PIEZO2: variants seen among roughly 807,000 people sequenced by gnomAD.
PIEZO2 encodes piezo-type mechanosensitive ion channel component 2.
A neutral mutation model predicts 337.3 loss-of-function variants in PIEZO2; 172 were observed. The observed-to-expected ratio is 0.51, with a 90% CI of 0.45 to 0.58. The LOEUF (loss-of-function observed/expected upper bound fraction) is 0.58, where lower values mean the gene tolerates loss of function less well. Among genes scored for constraint, PIEZO2 ranks in the 20% least tolerant of loss-of-function variants. PIEZO2 has a pLI of 0.00. For missense variants in PIEZO2, 3,028 were observed against 3,391.3 expected (o/e 0.89, Z 2.66); for synonymous variants, 1,251 against 1,228.5 (o/e 1.02, Z -0.38).
chr18:10,931,713 TGAGAGA>T (rs10603024), intron 3 of PIEZO2, among the ~76,000 whole-genome samples: 66 of 147,792 alleles, frequency 4.5e-4, no homozygotes, highest in East Asian at 3.2e-3. Flanking sequence ...TGTGTGTGTG[TGAGAGA>T]GAGAGAGAGA....
intron 39 of PIEZO2, among the ~76,000 whole-genome samples, chr18:10,714,076 A>G (rs2035919132): frequency 6.6e-6 from 1 of 152,126 alleles, no homozygotes; most frequent in Admixed American, 6.6e-5. Context: ...GCTTTTATAT[A>G]CATCCTAGCT....
rs2041402761 is a variant in PIEZO2 at position 10,847,478 on chromosome 18, A to G, written c.917+7875T>C. On this transcript the variant is annotated intron_variant, in intron 7 of 55. Coordinates refer to ENST00000674853, the MANE Select transcript of PIEZO2 (RefSeq NM_001378183.1). The surrounding 1 kb of genome is among the most constrained non-coding windows in gnomAD (Gnocchi z 5.7). Reference sequence around the variant, plus strand: ...TCTTAGGTCACTGGGCTGGATAAACACGCAGTGCAAAGGCCCGTGGGCTCG... The same window carrying G: ...TCTTAGGTCACTGGGCTGGATAAACGCGCAGTGCAAAGGCCCGTGGGCTCG... 6.6e-6 allele frequency among the ~76,000 whole-genome samples: 1 copy of G among 152,188 alleles called. No homozygotes were observed. Among genetic ancestry groups the G allele is most frequent in the Admixed American group, 6.5e-5 (1 of 15,270 alleles).
At chr18:10,702,244 C>G (rs1165018258) in intron 42 of PIEZO2, 73 bp from the exon 43 acceptor site, 1 of 1,368,176 alleles carries the variant, frequency 7.3e-7, no homozygotes. Context: ...TGGGAAAGAG[C>G]AATATAACAA....
intron 7 of PIEZO2, among the ~76,000 whole-genome samples, chr18:10,832,718 C>T (rs755534630): frequency 2.0e-5 from 3 of 152,206 alleles, no homozygotes; most frequent in Non-Finnish European, 2.9e-5. Flanking sequence ...GGGAGACACA[C>T]GGTGGCTCCA....
At chr18:10,769,675 A>T (rs2038515354) in intron 21 of PIEZO2, 1 of 152,754 alleles carries the variant, frequency 6.5e-6, no homozygotes, top group South Asian at 2.1e-4. Context: ...ACAATCAAGG[A>T]AACAGAAGTG....
chr18:10,849,731 G>A (rs1424770367), intron 7 of PIEZO2, among the ~76,000 whole-genome samples: 1 of 152,204 alleles, frequency 6.6e-6, no homozygotes, highest in African/African-American at 2.4e-5. Flanking sequence ...TGTAGTGTTT[G>A]CTGTCTACTG....
rs2039521148 is a variant in PIEZO2 at position 10,794,845 on chromosome 18, C to G, written c.1685G>C (p.Ser562Thr). Residue 562 changes from serine (S) to threonine (T), a missense_variant, in exon 13 of 56, where the codon AGT (serine) becomes ACT (threonine). Ser to Thr is a moderately conservative substitution (Grantham distance 58). Around this residue, in one of 5 missense-constraint regions of PIEZO2, gnomAD observed 50 missense variants for 88.2 expected, o/e 0.57. Transcript: ENST00000674853. The surrounding 1 kb of genome is among the most constrained non-coding windows in gnomAD (Gnocchi z 6.6). ...NLLLILQYIW[S>T]FELPEIKKVP... ...TTTTTTAATTTCAGGAAGTTCAAAA[C>G]TCCATATATACTGTAATATCAACAA... is the stretch of plus-strand genomic sequence containing the variant. The G allele has an allele frequency of 6.5e-7, 1 of 1,537,108 alleles. No individual in the cohort carries two copies. Among genetic ancestry groups the G allele is most frequent in the Non-Finnish European group, 8.7e-7 (1 of 1,146,788 alleles).
Position 10,945,187 on chromosome 18 carries a change from G to A in PIEZO2, c.287-33959C>T, listed in dbSNP as rs898546773. On this transcript the variant is annotated intron_variant, in intron 3 of 55. Coordinates refer to ENST00000674853, the MANE Select transcript of PIEZO2 (RefSeq NM_001378183.1). This position sits in a 1 kb window ranked among gnomAD's most constrained non-coding sequence, Gnocchi z 4.0. ...AGAAGACGCCCTATGATTTTTAGGT[G>A]TTATTTTTTAGAGACAAGATGTCTC... 1.3e-5 allele frequency among the ~76,000 whole-genome samples: 2 copies of A among 152,148 alleles called. No individual in the cohort carries two copies.
intron 42 of PIEZO2, 46 bp downstream of exon 42, chr18:10,704,348 G>T (rs1567966495): frequency 6.5e-7 from 1 of 1,526,816 alleles, no homozygotes; most frequent in Non-Finnish European, 8.8e-7. Flanking sequence ...GCTTCCCCTT[G>T]CATAGCCGCC....
intron 7 of PIEZO2, among the ~76,000 whole-genome samples, chr18:10,836,791 C>T (rs78223734): frequency 0.027 from 4,093 of 152,258 alleles, 195 homozygotes; most frequent in African/African-American, 0.093. Context: ...AACCTCAATC[C>T]TGCTCAAGTG....
rs1041164176 is a variant in PIEZO2, at chr18:10,767,034, C to T, written c.2946+3114G>A. Among the ~76,000 whole-genome samples, 57 of 145,528 alleles carry T rather than the reference C, an allele frequency of 3.9e-4. No homozygotes were observed. Among genetic ancestry groups the T allele is most frequent in the African/African-American group, 1.3e-3 (53 of 39,964 alleles). On this transcript the variant is annotated intron_variant, in intron 21 of 55. Coordinates refer to ENST00000674853, the MANE Select transcript of PIEZO2 (RefSeq NM_001378183.1). The surrounding 1 kb of genome is among the most constrained non-coding windows in gnomAD (Gnocchi z 4.2). ...CCTTCCCTCCCCTCCCCTTCCCTTC[C>T]TTCTCCAATTGGCCAGGCCCCCCAG...
rs1055401928 is a variant in PIEZO2 at position 10,953,595 on chromosome 18, C to A, written c.286+25940G>T. On this transcript the variant is annotated intron_variant, in intron 3 of 55. Coordinates refer to ENST00000674853, the MANE Select transcript of PIEZO2 (RefSeq NM_001378183.1). The surrounding 1 kb of genome is among the most constrained non-coding windows in gnomAD (Gnocchi z 5.2). ...TACTCTTTTTTTCCTTCACCAATAG[C>A]AAACTGGCTTGATTACTGTGGTTTT... 4.6e-5 allele frequency among the ~76,000 whole-genome samples: 7 copies of A among 152,052 alleles called. No homozygotes were observed. The highest frequency in any genetic ancestry group is 7.2e-5 in the African/African-American group (3 of 41,380).
Position 10,682,896 on chromosome 18 carries a change from C to T in PIEZO2, c.7498-604G>A, listed in dbSNP as rs2034335096. The stretch of plus-strand genomic sequence containing the variant: ...CGTGTTGCAGGGGCTCACTCTCCTA[C>T]AGGAGCCTGTGCACCAGTAAGGCTG... On this transcript the variant is annotated intron_variant, in intron 49 of 55. Coordinates refer to ENST00000674853, the MANE Select transcript of PIEZO2 (RefSeq NM_001378183.1). This position sits in a 1 kb window ranked among gnomAD's most constrained non-coding sequence, Gnocchi z 5.6. 6.6e-6 allele frequency among the ~76,000 whole-genome samples: 1 copy of T among 152,198 alleles called. No individual in the cohort carries two copies. Among genetic ancestry groups the T allele is most frequent in the Admixed American group, 6.5e-5 (1 of 15,288 alleles).
chr18:10,823,719 A>T (rs187426296), intron 7 of PIEZO2, among the ~76,000 whole-genome samples: 6 of 152,322 alleles, frequency 3.9e-5, no homozygotes, highest in Admixed American at 1.3e-4. Flanking sequence ...AGCAATACAA[A>T]GCTAGTCTTT....
rs550773812 is a variant in PIEZO2 at position 10,979,126 on chromosome 18, T to C, written c.286+409A>G. Among the ~76,000 whole-genome samples the C allele has an allele frequency of 3.9e-5, 6 of 152,272 alleles. No individual in the cohort carries two copies. In the South Asian group the frequency reaches 1.0e-3, roughly 26 times the overall value. ...ACATTGTTCTTTGTAATAGGATTAA[T>C]GTCATAGTCATGTAATTTCATATAA... On this transcript the variant is annotated intron_variant, in intron 3 of 55. Transcript: ENST00000674853. This position sits in a 1 kb window ranked among gnomAD's most constrained non-coding sequence, Gnocchi z 4.0.
chr18:10,798,384 C>G (rs2039686477), intron 11 of PIEZO2, among the ~76,000 whole-genome samples: 1 of 152,204 alleles, frequency 6.6e-6, no homozygotes, highest in African/African-American at 2.4e-5. Context: ...ACTGTGCATA[C>G]TACTCCACAT....
In PIEZO2 at chr18:10,725,070, G is replaced by A; in HGVS notation, c.5029+6337C>T. On this transcript the variant is annotated intron_variant, in intron 36 of 55. Transcript: ENST00000674853. ...TGCGGCCAACCAACGTGGACCGTGA[G>A]GGAGACAAGTTCTTTCAGTCGCATT... is the stretch of plus-strand genomic sequence containing the variant. 4 of 1,534,236 alleles carry A rather than the reference G, an allele frequency of 2.6e-6. No homozygotes were observed. In the South Asian group the frequency reaches 4.5e-5, roughly 17 times the overall value.
rs757725402 is a variant in PIEZO2 at position 10,720,265 on chromosome 18, TAAAG to T, written c.5030-2010_5030-2007del. On this transcript the variant is annotated intron_variant, in intron 36 of 55. Coordinates refer to ENST00000674853, the MANE Select transcript of PIEZO2 (RefSeq NM_001378183.1). ...ATATATATATGGAGCCCAGGTAATA[TAAAG>T]AGAGAATACATATATCATATGTATA... Among the ~76,000 whole-genome samples the T allele has an allele frequency of 2.4e-4, 34 of 141,420 alleles. 1 individual carries two copies. Among genetic ancestry groups the T allele is most frequent in the South Asian group, 1.1e-3 (5 of 4,496 alleles). The allele number at this position is 141,420 out of a possible 152,430, so 92.8% of individuals were successfully genotyped here.
chr18:10,698,019 G>C, intron 44 of PIEZO2, 139 bp from the exon 45 acceptor site: 1 of 81,210 alleles, frequency 1.2e-5, no homozygotes, highest in Non-Finnish European at 1.6e-5. Context: ...GCACGGCCTT[G>C]GGATTTGTCC....
Sources: allele counts gnomAD v4.1 joint callset (sites outside exome capture counted in the v4.1 genomes callset), GRCh38; gene constraint gnomAD v4.1.1; regional missense constraint gnomAD v4.1.1; non-coding constraint Gnocchi (gnomAD v3.1); transcripts MANE v1.5; gene names NCBI Gene and HGNC (gene_info 2026-07-23, HGNC 2026-07-21).